The following UNC80 variants were observed in gnomAD, a reference collection of about 807,000 sequenced individuals.
UNC80 encodes the protein unc-80 subunit of NALCN channel complex, also known as protein unc-80 homolog.
In UNC80, 164 loss-of-function variants were observed where a neutral mutation model predicts 384.6. The observed-to-expected ratio is 0.43, with a 90% CI of 0.38 to 0.49. The LOEUF (loss-of-function observed/expected upper bound fraction) is 0.49. Ranked by LOEUF, UNC80 falls within the 20% of genes least tolerant of loss-of-function variation. UNC80 has a pLI of 0.00. For missense variants in UNC80, 3,330 were observed against 4,143.0 expected (o/e 0.80, Z 5.39); for synonymous variants, 1,486 against 1,527.8 (o/e 0.97, Z 0.64).
At chr2:209,809,369 T>A in intron 7 of UNC80, 1 of 955,838 alleles carries the variant, frequency 1.0e-6, no homozygotes, top group Non-Finnish European at 1.7e-6. Context: ...CCCTGGCTGC[T>A]GCGGGGCCAT....
chr2:209,991,624 T>A (rs1455738638), intron 61 of UNC80, among the ~76,000 whole-genome samples: 1 of 152,222 alleles, frequency 6.6e-6, no homozygotes, highest in East Asian at 1.9e-4. Context: ...AACATTTGTT[T>A]ACCCATGTGA....
At chr2:209,938,903 T>C (rs1249660898) in intron 42 of UNC80, among the ~76,000 whole-genome samples, 1 of 152,134 alleles carries the variant, frequency 6.6e-6, no homozygotes, top group Non-Finnish European at 1.5e-5. Flanking sequence ...AGCTACTCAC[T>C]GCATATAAAC....
chr2:209,886,487 T>G (rs1025639012), intron 25 of UNC80, among the ~76,000 whole-genome samples: 1 of 152,132 alleles, frequency 6.6e-6, no homozygotes, highest in Non-Finnish European at 1.5e-5. Flanking sequence ...CAAATCTCTA[T>G]TCACAGGACA....
At position 209,996,464 on chromosome 2, in the gene UNC80, C is replaced by A. The variant is rs568684108; in HGVS notation, c.*869C>A. 1 of 152,320 alleles carries A rather than the reference C, an allele frequency of 6.6e-6. No homozygotes were observed. Among genetic ancestry groups the A allele is most frequent in the East Asian group, 1.9e-4 (1 of 5,188 alleles). The allele number at this position is 152,320 out of a possible 1,614,324, so 9.4% of individuals were successfully genotyped here. A position where few individuals can be genotyped will look rare whatever the true frequency, so the allele number is the denominator to read the frequency against. The stretch of plus-strand genomic sequence containing the variant: ...CTATTGGAAAATGTGATTAGTAATA[C>A]TTTTCCTTATAGTATCCTGTGCCTG... On this transcript the variant is annotated 3_prime_UTR_variant, in exon 65 of 65. Transcript: ENST00000673920.
At chr2:209,904,526 A>G (rs1489866824) in intron 28 of UNC80, among the ~76,000 whole-genome samples, 2 of 152,196 alleles carry the variant, frequency 1.3e-5, no homozygotes, top group East Asian at 3.8e-4. Flanking sequence ...GTTTTTGAAG[A>G]CCTGTTAACC....
At chr2:209,866,525 C>CACACAT (rs1553556884) in intron 22 of UNC80, among the ~76,000 whole-genome samples, 22 of 110,168 alleles carry the variant, frequency 2.0e-4, no homozygotes, top group African/African-American at 7.6e-4. Flanking sequence ...CACACACACA[C>CACACAT]ACACACACAG....
At chr2:209,780,870 T>G (rs918800562) in intron 4 of UNC80, among the ~76,000 whole-genome samples, 1 of 152,224 alleles carries the variant, frequency 6.6e-6, no homozygotes. Context: ...TTGCCTTTCA[T>G]GACTCCAACT....
In UNC80 at chr2:209,995,389, A is replaced by G; in HGVS notation, c.9769A>G (p.Thr3257Ala). 1.3e-6 allele frequency: 2 copies of G among 1,552,116 alleles called. No homozygotes were observed. The highest frequency in any genetic ancestry group is 1.2e-5 in the South Asian group (1 of 84,068). The change falls in exon 65 of 65, where the codon ACT becomes GCT. Residue 3257 changes from threonine (T) to alanine (A), a missense_variant. By Grantham distance (58) the Thr-to-Ala change is moderately conservative (BLOSUM62 0). Transcript: ENST00000673920. ...KEEDTEAQGA[T>A]AHSPLSAQLS... ...GGAGGACACAGAAGCACAAGGTGCTACTGCACACAGTCCACTCTCTGCCCA... is the reference window on the plus strand; with the variant it reads ...GGAGGACACAGAAGCACAAGGTGCTGCTGCACACAGTCCACTCTCTGCCCA...
At chr2:209,860,662 G>A (rs2083282493) in intron 22 of UNC80, among the ~76,000 whole-genome samples, 1 of 152,172 alleles carries the variant, frequency 6.6e-6, no homozygotes, top group Non-Finnish European at 1.5e-5. Context: ...TCATGATATT[G>A]ATTCTTCTTA....
At chr2:209,844,535 C>CCTTTTT (rs2082035845) in intron 21 of UNC80, among the ~76,000 whole-genome samples, 1 of 123,916 alleles carries the variant, frequency 8.1e-6, no homozygotes. Context: ...TTCCTTCCTT[C>CCTTTTT]CTTCCTTCCT....
At chr2:209,945,254 T>C in intron 46 of UNC80, 65 bp downstream of exon 46, 1 of 1,474,914 alleles carries the variant, frequency 6.8e-7, no homozygotes, top group Non-Finnish European at 9.1e-7. Context: ...AATATATGTA[T>C]TATACACACA....
chr2:209,859,400 A>G (rs1402365576), intron 22 of UNC80, among the ~76,000 whole-genome samples: 1 of 152,194 alleles, frequency 6.6e-6, no homozygotes, highest in Non-Finnish European at 1.5e-5. Context: ...TCCATGGTGT[A>G]TATGTACCAC....
At chr2:209,876,350 A>G (rs1344154830) in intron 23 of UNC80, among the ~76,000 whole-genome samples, 7 of 152,218 alleles carry the variant, frequency 4.6e-5, no homozygotes, top group Admixed American at 4.6e-4. Flanking sequence ...TTTATGTTCT[A>G]TTTAAAACCT....
chr2:209,857,973 A>G (rs2083059604), intron 22 of UNC80, among the ~76,000 whole-genome samples: 2 of 152,294 alleles, frequency 1.3e-5, no homozygotes, highest in African/African-American at 4.8e-5. Flanking sequence ...TGTGTTGTCA[A>G]AAAGAATTTG....
intron 61 of UNC80, among the ~76,000 whole-genome samples, chr2:209,988,931 C>G (rs553400454): frequency 6.6e-6 from 1 of 152,184 alleles, no homozygotes; most frequent in Admixed American, 6.5e-5. Flanking sequence ...ATTTAGAAAA[C>G]TTTATTTGCT....
intron 25 of UNC80, among the ~76,000 whole-genome samples, chr2:209,882,362 G>A (rs560868810): frequency 2.0e-5 from 3 of 152,196 alleles, no homozygotes; most frequent in East Asian, 3.9e-4. Flanking sequence ...TGGGGGTTCC[G>A]GTGTCACTGC....
At chr2:209,868,300 TA>T (rs2084005775) in intron 22 of UNC80, among the ~76,000 whole-genome samples, 2 of 152,166 alleles carry the variant, frequency 1.3e-5, no homozygotes, top group Admixed American at 6.6e-5. Context: ...TGTAAGGCAA[TA>T]AAAAATATGT....
rs1271564902 is a variant in UNC80, at chr2:209,917,821, T to A, written c.5074T>A (p.Ser1692Thr). 1 of 1,552,130 alleles carries A rather than the reference T, an allele frequency of 6.4e-7. No individual in the cohort carries two copies. Among genetic ancestry groups the A allele is most frequent in the Admixed American group, 2.0e-5 (1 of 51,000 alleles). The change falls in exon 32 of 65, where the codon TCC becomes ACC. Residue 1692 changes from serine to threonine, a missense_variant. Around this residue, in one of 8 missense-constraint regions of UNC80, gnomAD observed 801 missense variants for 950.8 expected, o/e 0.84. Coordinates refer to ENST00000673920, the MANE Select transcript of UNC80 (RefSeq NM_001371986.1). ...LCAVKVPEAVSDMLMSEFHHP... is the reference protein window; with the variant it reads ...LCAVKVPEAVTDMLMSEFHHP... ...TGCAGTGAAGGTGCCTGAGGCCGTG[T>A]CCGACATGCTGATGTCAGAGTTCCA...
In UNC80 at chr2:209,904,930, A is replaced by G; in HGVS notation, c.4747A>G (p.Ser1583Gly). Residue 1583 changes from serine (S) to glycine (G), a missense_variant, in exon 29 of 65, where the codon AGC becomes GGC. Ser to Gly is a moderately conservative substitution (Grantham distance 56). This residue lies in a region of UNC80 where 801 missense variants were observed against 950.8 expected (regional missense o/e 0.84). Coordinates refer to ENST00000673920, the MANE Select transcript of UNC80 (RefSeq NM_001371986.1). ...VDSLRESSNISSVALRGKKQK... is the reference protein window; with the variant it reads ...VDSLRESSNIGSVALRGKKQK... ...CTCCCTGAGGGAAAGCAGCAACATC[A>G]GCAGTGTGGCTCTCCGGGGCAAGAA... 6.4e-7 allele frequency: 1 copy of G among 1,551,748 alleles called. No homozygotes were observed. The highest frequency in any genetic ancestry group is 8.7e-7 in the Non-Finnish European group (1 of 1,147,004).
Sources: allele counts gnomAD v4.1 joint callset (sites outside exome capture counted in the v4.1 genomes callset), GRCh38; gene constraint gnomAD v4.1.1; regional missense constraint gnomAD v4.1.1; transcripts MANE v1.5; gene names NCBI Gene and HGNC (gene_info 2026-07-23, HGNC 2026-07-21).